CNOT10: variants seen among roughly 807,000 people sequenced by gnomAD.
CNOT10 encodes CCR4-NOT transcription complex, subunit 10.
In CNOT10, 30 loss-of-function variants were observed where a neutral mutation model predicts 94.6. That is an observed-to-expected ratio of 0.32 (90% confidence interval 0.24 to 0.43). The LOEUF is 0.43. CNOT10 is among the 20% of genes least tolerant of loss of function. The probability of loss-of-function intolerance (pLI) is 1.00; values close to 1 mark genes in which losing one functional copy is unlikely to be tolerated. For missense variants in CNOT10, 759 were observed against 877.2 expected, an observed-to-expected ratio of 0.87 and a Z score of 1.70; for synonymous variants, 289 against 301.6, an observed-to-expected ratio of 0.96 and a Z score of 0.43.
chr3:32,697,011 C>T (rs1351544964), intron 1 of CNOT10, among the ~76,000 whole-genome samples: 1 of 151,176 alleles, frequency 6.6e-6, no homozygotes, highest in Non-Finnish European at 1.5e-5. Flanking sequence ...AGTGCAGTGG[C>T]GTGATCTCGG....
chr3:32,685,629 C>T, intron 1 of CNOT10, 147 bp downstream of exon 1: 2 of 864,848 alleles, frequency 2.3e-6, no homozygotes, highest in Non-Finnish European at 1.8e-6. Context: ...TCTGTCTCGG[C>T]TGTCGCTAAC....
chr3:32,695,302 G>C (rs958652586), intron 1 of CNOT10, among the ~76,000 whole-genome samples: 2 of 152,154 alleles, frequency 1.3e-5, no homozygotes, highest in Non-Finnish European at 2.9e-5. Context: ...GGCCTGAATT[G>C]TTTTTCTTCG....
intron 17 of CNOT10, among the ~76,000 whole-genome samples, chr3:32,768,537 C>G (rs6799582): frequency 6.6e-6 from 1 of 151,548 alleles, no homozygotes; most frequent in Non-Finnish European, 1.5e-5. Context: ...GAGCCTAGAT[C>G]GTGCAATTGC....
At chr3:32,732,660 C>T (rs1699014248) in intron 10 of CNOT10, among the ~76,000 whole-genome samples, 1 of 151,966 alleles carries the variant, frequency 6.6e-6, no homozygotes, top group Non-Finnish European at 1.5e-5. Context: ...AGGCTGGTCT[C>T]ACACTCCTGG....
chr3:32,735,756 G>T (rs1699160952), intron 12 of CNOT10, among the ~76,000 whole-genome samples: 1 of 152,076 alleles, frequency 6.6e-6, no homozygotes, highest in African/African-American at 2.4e-5. Context: ...TCCTAAAGCT[G>T]CTTATTTCTT....
intron 13 of CNOT10, among the ~76,000 whole-genome samples, chr3:32,743,214 TGA>T (rs2125595989): frequency 6.6e-6 from 1 of 152,178 alleles, no homozygotes; most frequent in African/African-American, 2.4e-5. Flanking sequence ...CTCGAACTCC[TGA>T]CCGCAGGTGA....
chr3:32,769,025 C>T (rs922316501), intron 17 of CNOT10: 1 of 152,214 alleles, frequency 6.6e-6, no homozygotes, highest in Non-Finnish European at 1.5e-5. Context: ...CTGGCATTTA[C>T]GTAACTGTGT....
At chr3:32,706,468 T>C (rs1220546968) in intron 3 of CNOT10, among the ~76,000 whole-genome samples, 1 of 152,242 alleles carries the variant, frequency 6.6e-6, no homozygotes, top group South Asian at 2.1e-4. Flanking sequence ...TTTGTACTTG[T>C]GGTTACTGAC....
intron 1 of CNOT10, among the ~76,000 whole-genome samples, chr3:32,687,461 T>TTTTTTTTTTG (rs1559471795): frequency 8.8e-6 from 1 of 113,774 alleles, no homozygotes; most frequent in Non-Finnish European, 1.9e-5. Context: ...TGTTTTTTTT[T>TTTTTTTTTTG]TTTTTTTTGA....
At chr3:32,687,540 C>T (rs1372294464) in intron 1 of CNOT10, among the ~76,000 whole-genome samples, 7 of 135,264 alleles carry the variant, frequency 5.2e-5, no homozygotes, top group African/African-American at 1.9e-4. Context: ...CAAGCTCCGC[C>T]TCCCGGGTTC....
intron 4 of CNOT10, among the ~76,000 whole-genome samples, chr3:32,711,469 A>G (rs1490978760): frequency 6.6e-6 from 1 of 151,866 alleles, no homozygotes; most frequent in Non-Finnish European, 1.5e-5. Flanking sequence ...TTCTTCTAAC[A>G]TTTTCAATCT....
intron 8 of CNOT10, among the ~76,000 whole-genome samples, chr3:32,725,114 G>C (rs1698608094): frequency 6.6e-6 from 1 of 152,116 alleles, no homozygotes; most frequent in Admixed American, 6.6e-5. Context: ...TGAAAGGGTT[G>C]CTTGAGCCCA....
chr3:32,706,618 T>C (rs1462143969), intron 3 of CNOT10, among the ~76,000 whole-genome samples: 3 of 152,224 alleles, frequency 2.0e-5, no homozygotes, highest in Admixed American at 1.3e-4. Context: ...CTAGACTATT[T>C]TGGTGAGTCA....
At chr3:32,769,685 G>C in intron 17 of CNOT10, 1 of 523,322 alleles carries the variant, frequency 1.9e-6, no homozygotes, top group Non-Finnish European at 3.5e-6. Flanking sequence ...TCAAAACCCA[G>C]AGTATTACAT....
At chr3:32,705,330 T>C (rs1456683033) in intron 3 of CNOT10, among the ~76,000 whole-genome samples, 1 of 152,170 alleles carries the variant, frequency 6.6e-6, no homozygotes, top group Non-Finnish European at 1.5e-5. Flanking sequence ...AGCATTTGGA[T>C]CAGGAGATGA....
Position 32,766,163 on chromosome 3 carries a change from G to A in CNOT10, c.2004+1354G>A, listed in dbSNP as rs184716329. On this transcript the variant is annotated intron_variant, in intron 17 of 18. Coordinates refer to ENST00000328834, the MANE Select transcript of CNOT10 (RefSeq NM_015442.3). The stretch of plus-strand genomic sequence containing the variant: ...TGGGATTACAGGCATGTACCACCAC[G>A]CCCGGCTAATTTTGTATTTTTAATA... Among the ~76,000 whole-genome samples, 5 of 45,784 alleles carry A rather than the reference G, an allele frequency of 1.1e-4. 2 individuals are homozygous for A. Among genetic ancestry groups the A allele is most frequent in the African/African-American group, 3.5e-4 (5 of 14,466 alleles). 30.0% of individuals were successfully genotyped at this position (45,784 alleles called of 152,430 possible).
chr3:32,696,982 G>A (rs1421140699), intron 1 of CNOT10, among the ~76,000 whole-genome samples: 1 of 142,880 alleles, frequency 7.0e-6, no homozygotes. Context: ...ATGGAGTCTC[G>A]CTCTGTCACC....
intron 10 of CNOT10, among the ~76,000 whole-genome samples, chr3:32,729,335 G>A (rs1698832414): frequency 6.6e-6 from 1 of 152,230 alleles, no homozygotes; most frequent in East Asian, 1.9e-4. Context: ...AATTTGGGAG[G>A]GATCAGTAGG....
chr3:32,708,767 A>G lies in CNOT10; in HGVS notation c.377A>G (p.Tyr126Cys), dbSNP rs1575220238. 2.5e-6 allele frequency: 4 copies of G among 1,613,488 alleles called. No homozygotes were observed. In the East Asian group the frequency reaches 8.9e-5, roughly 36 times the overall value. ...GTCATTCTTTATCATCTGCGGCAGT[A>G]TACAGAAGCCATATCAGTTGGTGAA... Reference protein sequence around the residue: ...QAVILYHLRQYTEAISVGEKL... With the variant: ...QAVILYHLRQCTEAISVGEKL... Residue 126 changes from tyrosine to cysteine, a missense_variant, in exon 4 of 19, where the codon TAT becomes TGT. Physicochemically the swap from Tyr to Cys is radical, Grantham distance 194. Transcript: ENST00000328834.
Sources: gnomAD v4.1 joint callset for allele counts (sites outside exome capture counted in the v4.1 genomes callset) on GRCh38, gnomAD v4.1.1 for gene constraint, MANE v1.5 for transcripts, NCBI Gene and HGNC (gene_info 2026-07-23, HGNC 2026-07-21) for gene names.